The following BCAS3 variants were observed in gnomAD, a reference collection of about 807,000 sequenced individuals.
BCAS3 encodes the protein BCAS4/BCAS3 fusion.
Under a neutral mutation model 116.1 loss-of-function variants are expected in BCAS3, and 53 were observed. The observed-to-expected ratio is 0.46, with a 90% confidence interval of 0.37 to 0.57. BCAS3 has a LOEUF of 0.57. BCAS3 is among the 20% of genes least tolerant of loss of function. BCAS3 has a pLI of 0.00. For synonymous variants in BCAS3, 391 were observed against 408.2 expected (o/e 0.96, Z 0.51); for missense variants, 917 against 1,165.4 (o/e 0.79, Z 3.10).
At chr17:61,147,595 C>T (rs1284401299) in intron 22 of BCAS3, among the ~76,000 whole-genome samples, 1 of 152,202 alleles carries the variant, frequency 6.6e-6, no homozygotes, top group African/African-American at 2.4e-5. Context: ...GTATAACTCA[C>T]CTGCTTCCTT....
intron 19 of BCAS3, among the ~76,000 whole-genome samples, chr17:61,044,747 A>G (rs1478997481): frequency 2.6e-5 from 4 of 151,606 alleles, no homozygotes; most frequent in Non-Finnish European, 5.9e-5. Context: ...TAGAGATGTT[A>G]TGATGATCAG....
At position 61,106,615 on chromosome 17, in the gene BCAS3, G is replaced by A. The variant is rs1467583471; in HGVS notation, c.2425+22051G>A. On this transcript the variant is annotated intron_variant, in intron 22 of 23. Transcript: ENST00000407086. This position sits in a 1 kb window ranked among gnomAD's most constrained non-coding sequence, Gnocchi z 4.2. ...GTGTTGGTACTGTCCATGGTTTCAG[G>A]CATCCACTGGGGGTCTTGGAACGTA... 6.6e-6 allele frequency among the ~76,000 whole-genome samples: 1 copy of A among 152,216 alleles called. No homozygotes were observed. The highest frequency in any genetic ancestry group is 2.4e-5 in the African/African-American group (1 of 41,464).
chr17:61,297,059 G>A (rs577595973), intron 22 of BCAS3, among the ~76,000 whole-genome samples: 57 of 152,272 alleles, frequency 3.7e-4, no homozygotes, highest in African/African-American at 1.3e-3. Flanking sequence ...CCAGGAAACC[G>A]CCAGGTACCA....
rs1025457272 is a variant in BCAS3, at chr17:60,960,607, G to A, written c.1221+13255G>A. Among the ~76,000 whole-genome samples, 1 of 152,004 alleles carries A rather than the reference G, an allele frequency of 6.6e-6. No homozygotes were observed. The highest frequency in any genetic ancestry group is 2.4e-5 in the African/African-American group (1 of 41,382). On this transcript the variant is annotated intron_variant, in intron 14 of 23. Transcript: ENST00000407086. The surrounding 1 kb of genome is among the most constrained non-coding windows in gnomAD (Gnocchi z 4.1). ...CTTCATTTTCTGGGCCTGTGGCTCT[G>A]CCCATTCCTGCCTTTGTACACACAG...
intron 22 of BCAS3, among the ~76,000 whole-genome samples, chr17:61,358,087 C>CA (rs11324354): frequency 0.036 from 5,016 of 138,668 alleles, 261 homozygotes; most frequent in African/African-American, 0.12. Flanking sequence ...GACTCCATCT[C>CA]AAAAAAAAAA....
chr17:60,777,957 C>T (rs1466890068), intron 6 of BCAS3, among the ~76,000 whole-genome samples: 2 of 152,116 alleles, frequency 1.3e-5, no homozygotes, highest in Non-Finnish European at 2.9e-5. Flanking sequence ...TTTCACAATT[C>T]CTAAAAATGA....
chr17:60,873,438 T>G (rs1042463814), intron 8 of BCAS3, among the ~76,000 whole-genome samples: 16 of 152,184 alleles, frequency 1.1e-4, no homozygotes, highest in Admixed American at 4.6e-4. Flanking sequence ...GCTTCCAATT[T>G]TGAAAAATAA....
chr17:60,687,037 A>G (rs978483290), intron 3 of BCAS3, among the ~76,000 whole-genome samples: 1 of 152,210 alleles, frequency 6.6e-6, no homozygotes, highest in African/African-American at 2.4e-5. Context: ...TATTTTCTCT[A>G]TAGTGAGCAA....
intron 4 of BCAS3, among the ~76,000 whole-genome samples, chr17:60,691,423 CTCTT>C (rs576299340): frequency 6.8e-4 from 103 of 152,192 alleles, no homozygotes; most frequent in African/African-American, 2.3e-3. Context: ...CTCTCTCTCT[CTCTT>C]TTTGGTAGTA....
intron 22 of BCAS3, among the ~76,000 whole-genome samples, chr17:61,114,069 G>A (rs2075270028): frequency 6.6e-6 from 1 of 151,492 alleles, no homozygotes. Context: ...CAAGAAATTA[G>A]GTATTGATGG....
At position 61,388,537 on chromosome 17, in the gene BCAS3, T is replaced by A; in HGVS notation, c.2594-3440T>A. On this transcript the variant is annotated intron_variant, in intron 23 of 23. Transcript: ENST00000407086. The surrounding 1 kb of genome is among the most constrained non-coding windows in gnomAD (Gnocchi z 6.5). ...CTGCGCCTCCTGACACCTCTCCACCTGCTTGCAGAGATCAGTGTACTTCTC... is the reference window on the plus strand; with the variant it reads ...CTGCGCCTCCTGACACCTCTCCACCAGCTTGCAGAGATCAGTGTACTTCTC... 7.2e-7 allele frequency: 1 copy of A among 1,385,858 alleles called. No homozygotes were observed. The highest frequency in any genetic ancestry group is 9.8e-7 in the Non-Finnish European group (1 of 1,022,704). 85.8% of individuals were successfully genotyped at this position (1,385,858 alleles called of 1,614,324 possible). A position where few individuals can be genotyped will look rare whatever the true frequency, so the allele number is the denominator to read the frequency against.
chr17:61,065,603 C>T lies in BCAS3; in HGVS notation c.2030-9317C>T, dbSNP rs904350677. On this transcript the variant is annotated intron_variant, in intron 19 of 23. Transcript: ENST00000407086. This position sits in a 1 kb window ranked among gnomAD's most constrained non-coding sequence, Gnocchi z 4.8. ...ATGTTGTTCCTCTAAATAACCTAAACGACTGAAAAATGCTGGCACAACATT... is the reference window on the plus strand; with the variant it reads ...ATGTTGTTCCTCTAAATAACCTAAATGACTGAAAAATGCTGGCACAACATT... Among the ~76,000 whole-genome samples the T allele has an allele frequency of 8.5e-5, 13 of 152,244 alleles. No homozygotes were observed. The highest frequency in any genetic ancestry group is 1.9e-4 in the East Asian group (1 of 5,190).
chr17:60,895,865 T>C (rs933316252), intron 10 of BCAS3, among the ~76,000 whole-genome samples: 1 of 152,192 alleles, frequency 6.6e-6, no homozygotes, highest in African/African-American at 2.4e-5. Flanking sequence ...TTTTAGTCCA[T>C]TGTGGTCTGA....
At chr17:60,678,695 C>T (rs2032443297) in intron 1 of BCAS3, among the ~76,000 whole-genome samples, 1 of 152,162 alleles carries the variant, frequency 6.6e-6, no homozygotes, top group Non-Finnish European at 1.5e-5. Flanking sequence ...TTGTGATTTA[C>T]TCATAGATTC....
chr17:61,021,581 T>A lies in BCAS3; in HGVS notation c.1637+5680T>A, dbSNP rs1207529024. On this transcript the variant is annotated intron_variant, in intron 16 of 23. Coordinates refer to ENST00000407086, the MANE Select transcript of BCAS3 (RefSeq NM_017679.5). The surrounding 1 kb of genome is among the most constrained non-coding windows in gnomAD (Gnocchi z 4.6). ...ATATATATGGATTATAATCTTTTAA[T>A]CCTTATCATGTATGAGTTTCTACCA... Among the ~76,000 whole-genome samples, 2 of 152,234 alleles carry A rather than the reference T, an allele frequency of 1.3e-5. No homozygotes were observed. The highest frequency in any genetic ancestry group is 6.5e-5 in the Admixed American group (1 of 15,288).
intron 6 of BCAS3, among the ~76,000 whole-genome samples, chr17:60,751,178 C>T (rs1414628735): frequency 6.6e-6 from 1 of 152,186 alleles, no homozygotes; most frequent in Non-Finnish European, 1.5e-5. Flanking sequence ...GGCATTTACT[C>T]ATGTCAACAC....
intron 22 of BCAS3, among the ~76,000 whole-genome samples, chr17:61,250,690 T>C (rs769068389): frequency 6.6e-6 from 1 of 152,198 alleles, no homozygotes; most frequent in Non-Finnish European, 1.5e-5. Flanking sequence ...TACTAACCCA[T>C]GTACATGCTG....
Position 61,211,164 on chromosome 17 carries a change from T to C in BCAS3, c.2425+126600T>C, listed in dbSNP as rs2081438159. Among the ~76,000 whole-genome samples, 1 of 152,186 alleles carries C rather than the reference T, an allele frequency of 6.6e-6. No homozygotes were observed. Among genetic ancestry groups the C allele is most frequent in the South Asian group, 2.1e-4 (1 of 4,820 alleles). ...GTTATTCAGAAGAAATGGAATGACG[T>C]TAAAATTCTCCCAAAAAAGGTTGGA... On this transcript the variant is annotated intron_variant, in intron 22 of 23. Transcript: ENST00000407086. This position sits in a 1 kb window ranked among gnomAD's most constrained non-coding sequence, Gnocchi z 4.4.
At chr17:60,764,882 G>A (rs557944106) in intron 6 of BCAS3, among the ~76,000 whole-genome samples, 3 of 152,168 alleles carry the variant, frequency 2.0e-5, no homozygotes, top group African/African-American at 7.2e-5. Flanking sequence ...GAGCACTCCT[G>A]TATTGGGTGC....
Sources: allele counts gnomAD v4.1 joint callset (sites outside exome capture counted in the v4.1 genomes callset), GRCh38; gene constraint gnomAD v4.1.1; non-coding constraint Gnocchi (gnomAD v3.1); transcripts MANE v1.5; gene names NCBI Gene and HGNC (gene_info 2026-07-23, HGNC 2026-07-21).